SLC4A3: variants seen among roughly 807,000 people sequenced by gnomAD.
The protein encoded by SLC4A3 is solute carrier family 4 member 3.
A neutral mutation model predicts 114.2 loss-of-function variants in SLC4A3; 47 were observed. The observed-to-expected ratio is 0.41, with a 90% CI of 0.33 to 0.52. The LOEUF (loss-of-function observed/expected upper bound fraction) is 0.52. Among genes scored for constraint, SLC4A3 ranks in the 20% least tolerant of loss-of-function variants. The probability of loss-of-function intolerance (pLI) is 0.21; values close to 1 mark genes in which losing one functional copy is unlikely to be tolerated. For synonymous variants in SLC4A3, 693 were observed against 710.3 expected, an observed-to-expected ratio of 0.98 and a Z score of 0.39; for missense variants, 1,312 against 1,668.3, an observed-to-expected ratio of 0.79 and a Z score of 3.72.
Position 219,636,588 on chromosome 2 carries a change from C to G in SLC4A3, c.2341-92C>G. 5 of 1,487,582 alleles carry G rather than the reference C, an allele frequency of 3.4e-6. No individual in the cohort carries two copies. The highest frequency in any genetic ancestry group is 4.5e-6 in the Non-Finnish European group (5 of 1,099,284). The allele number at this position is 1,487,582 out of a possible 1,614,324, so 92.1% of individuals were successfully genotyped here. A position where few individuals can be genotyped will look rare whatever the true frequency, so the allele number is the denominator to read the frequency against. On this transcript the variant is annotated intron_variant, in intron 15 of 22. Transcript: ENST00000358055. This position sits in a 1 kb window ranked among gnomAD's most constrained non-coding sequence, Gnocchi z 5.5. ...GGGGATGGGTCCCTGCATTCTCCCT[C>G]TTCCTCGGAGTTCATCCGCTGCCTA...
rs1359694605 is a variant in SLC4A3 at position 219,638,143 on chromosome 2, C to T, written c.2767-21C>T. 6.3e-7 allele frequency: 1 copy of T among 1,593,926 alleles called. No individual in the cohort carries two copies. The highest frequency in any genetic ancestry group is 1.7e-5 in the Admixed American group (1 of 58,728). On this transcript the variant is annotated intron_variant, in intron 17 of 22. Coordinates refer to ENST00000358055, the MANE Select transcript of SLC4A3 (RefSeq NM_005070.4). This position sits in a 1 kb window ranked among gnomAD's most constrained non-coding sequence, Gnocchi z 7.5. ...CCTTGCCTCCACCTTTTGCTCCCTT[C>T]CCCAACTGGCCCCTCTCAAGGCTCG...
At position 219,641,343 on chromosome 2, in the gene SLC4A3, T is replaced by A. The variant is rs1356109207; in HGVS notation, c.3622-308T>A. 6.6e-6 allele frequency among the ~76,000 whole-genome samples: 1 copy of A among 152,154 alleles called. No homozygotes were observed. The highest frequency in any genetic ancestry group is 1.5e-5 in the Non-Finnish European group (1 of 68,024). On this transcript the variant is annotated intron_variant, in intron 22 of 22. Coordinates refer to ENST00000358055, the MANE Select transcript of SLC4A3 (RefSeq NM_005070.4). This position sits in a 1 kb window ranked among gnomAD's most constrained non-coding sequence, Gnocchi z 4.0. ...TTTTTGTCAACTAGAGGAAAAGACATCTTTTTGCAATTTATCCATACTCAA... is the reference window on the plus strand; with the variant it reads ...TTTTTGTCAACTAGAGGAAAAGACAACTTTTTGCAATTTATCCATACTCAA...
At chr2:219,627,834 G>A in intron 1 of SLC4A3, 66 bp from the exon 2 acceptor site, 1 of 582,074 alleles carries the variant, frequency 1.7e-6, no homozygotes, top group Non-Finnish European at 3.0e-6. Flanking sequence ...TGGGCCGGGA[G>A]CGTGCATCCG....
rs747034568 is a variant in SLC4A3 at position 219,635,363 on chromosome 2, G to A, written c.1839G>A (p.Pro613=). 3.5e-5 allele frequency: 56 copies of A among 1,614,024 alleles called. No homozygotes were observed. The highest frequency in any genetic ancestry group is 4.1e-5 in the Non-Finnish European group (48 of 1,180,022). ...EFLDGSIVIP[P]SEVEGRDLLR... ...TGGATGGCAGCATTGTGATCCCCCCGTCCGAGGTGGAGGGCCGTGACCTGC... is the reference window on the plus strand; with the variant it reads ...TGGATGGCAGCATTGTGATCCCCCCATCCGAGGTGGAGGGCCGTGACCTGC... The change falls in exon 13 of 23, where the codon CCG becomes CCA. Residue 613 remains proline (P), a synonymous_variant. Transcript: ENST00000358055.
chr2:219,635,986 T>C lies in SLC4A3; in HGVS notation c.2191+95T>C. 6.0e-6 allele frequency: 6 copies of C among 1,000,336 alleles called. No individual in the cohort carries two copies. The South Asian group carries it at 8.6e-5, about 14-fold the overall frequency. 62.0% of individuals were successfully genotyped at this position (1,000,336 alleles called of 1,614,324 possible). On this transcript the variant is annotated intron_variant, in intron 14 of 22. Coordinates refer to ENST00000358055, the MANE Select transcript of SLC4A3 (RefSeq NM_005070.4). Reference sequence around the variant, plus strand: ...ATTCTGGGTCTGGGTGTGATCACATTAGGGGGCCAATGGTTAGATGTGCTA... The same window carrying C: ...ATTCTGGGTCTGGGTGTGATCACATCAGGGGGCCAATGGTTAGATGTGCTA...
At position 219,639,763 on chromosome 2, in the gene SLC4A3, C is replaced by T. The variant is rs1479777694; in HGVS notation, c.3277+28C>T. On this transcript the variant is annotated intron_variant, in intron 20 of 22. Coordinates refer to ENST00000358055, the MANE Select transcript of SLC4A3 (RefSeq NM_005070.4). This position sits in a 1 kb window ranked among gnomAD's most constrained non-coding sequence, Gnocchi z 5.9. ...GAGAGCCCGCCTCCACCCTGCACAC[C>T]CCCTTCCTTGGGCCCCACGGTCTTA... 2 of 1,595,192 alleles carry T rather than the reference C, an allele frequency of 1.3e-6. No individual in the cohort carries two copies. The highest frequency in any genetic ancestry group is 1.7e-5 in the Admixed American group (1 of 59,898).
At position 219,635,879 on chromosome 2, in the gene SLC4A3, G is replaced by A. The variant is rs900737242; in HGVS notation, c.2179G>A (p.Gly727Arg). 2.0e-6 allele frequency: 3 copies of A among 1,520,230 alleles called. No individual in the cohort carries two copies. The highest frequency in any genetic ancestry group is 1.8e-6 in the Non-Finnish European group (2 of 1,137,402). The allele number at this position is 1,520,230 out of a possible 1,614,324, so 94.2% of individuals were successfully genotyped here. ...FAALSPAITF[G>R]GLLGEKTEGL... ...AGCCCTCAGCCCTGCCATCACCTTC[G>A]GGGGGCTGCTGGGTAAGGGACTGGG... Residue 727 changes from glycine to arginine, a missense_variant, in exon 14 of 23, where the codon GGG becomes AGG. This residue lies in a region of SLC4A3 where 771 missense variants were observed against 977.7 expected (regional missense o/e 0.79). Transcript: ENST00000358055.
Position 219,633,903 on chromosome 2 carries a change from A to T in SLC4A3, c.1485A>T (p.Gly495=). ...AGAAGCCCCTCCACATGCCTGGGGG[A>T]GATGGTCACCGGGGGAAAAGCCTGA... The part of the protein sequence containing the change: ...AKEKPLHMPG[G]DGHRGKSLKL... The change falls in exon 11 of 23, where the codon GGA becomes GGT. Residue 495 remains glycine, a synonymous_variant. Coordinates refer to ENST00000358055, the MANE Select transcript of SLC4A3 (RefSeq NM_005070.4). The T allele has an allele frequency of 6.4e-7, 1 of 1,559,922 alleles. No individual in the cohort carries two copies. Among genetic ancestry groups the T allele is most frequent in the South Asian group, 1.2e-5 (1 of 84,640 alleles).
In SLC4A3 at chr2:219,638,481, T is replaced by A. The variant is rs1699207577; in HGVS notation, c.2857-222T>A. ...ATGACAGTATCCCACACAGGTCCCCTGAAGCTCTGGGGCTCAGGGAGGAGG... is the reference window on the plus strand; with the variant it reads ...ATGACAGTATCCCACACAGGTCCCCAGAAGCTCTGGGGCTCAGGGAGGAGG... On this transcript the variant is annotated intron_variant, in intron 18 of 22. Transcript: ENST00000358055. The surrounding 1 kb of genome is among the most constrained non-coding windows in gnomAD (Gnocchi z 7.5). 6.6e-6 allele frequency among the ~76,000 whole-genome samples: 1 copy of A among 152,184 alleles called. No homozygotes were observed. Among genetic ancestry groups the A allele is most frequent in the Non-Finnish European group, 1.5e-5 (1 of 68,008 alleles).
rs151016180 is a variant in SLC4A3 at position 219,632,199 on chromosome 2, C to T, written c.961-63C>T. On this transcript the variant is annotated intron_variant, in intron 7 of 22. Coordinates refer to ENST00000358055, the MANE Select transcript of SLC4A3 (RefSeq NM_005070.4). Reference sequence around the variant, plus strand: ...CTCCTCTCTTTGCCCCCCTGCCTTGCCCCATCACGGTGTTCCCCACACCTG... The same window carrying T: ...CTCCTCTCTTTGCCCCCCTGCCTTGTCCCATCACGGTGTTCCCCACACCTG... The T allele has an allele frequency of 6.9e-4, 1,109 of 1,609,910 alleles. 9 individuals carry two copies. In the African/African-American group the frequency reaches 0.013, roughly 18 times the overall value.
At chr2:219,629,823 G>T (rs1276506379) in intron 5 of SLC4A3, 128 bp downstream of exon 5, 9 of 467,452 alleles carry the variant, frequency 1.9e-5, no homozygotes, top group Admixed American at 7.7e-5. Context: ...GAGGAGCAGG[G>T]TGTGGGAGGG....
rs1699155277 is a variant in SLC4A3, at chr2:219,637,305, G to A, written c.2536-276G>A. ...CCTGTGTGTGCATGTTGTGTGTGTTGTGTGTATGTATGTTGTGTGTGTGGT... is the reference window on the plus strand; with the variant it reads ...CCTGTGTGTGCATGTTGTGTGTGTTATGTGTATGTATGTTGTGTGTGTGGT... On this transcript the variant is annotated intron_variant, in intron 16 of 22. Coordinates refer to ENST00000358055, the MANE Select transcript of SLC4A3 (RefSeq NM_005070.4). This position sits in a 1 kb window ranked among gnomAD's most constrained non-coding sequence, Gnocchi z 4.6. 6.6e-6 allele frequency among the ~76,000 whole-genome samples: 1 copy of A among 151,258 alleles called. No individual in the cohort carries two copies. Among genetic ancestry groups the A allele is most frequent in the African/African-American group, 2.4e-5 (1 of 41,122 alleles).
In SLC4A3 at chr2:219,637,728, C is replaced by T. The variant is rs745997333; in HGVS notation, c.2683C>T (p.Leu895Phe). The T allele has an allele frequency of 3.1e-6, 5 of 1,613,914 alleles. No individual in the cohort carries two copies. The East Asian group carries it at 1.1e-4, about 36-fold the overall frequency. Reference protein sequence around the residue: ...SPRNQPNTALLSLILMLGTFF... With the variant: ...SPRNQPNTALFSLILMLGTFF... ...GAGGAACCAGCCCAATACGGCACTG[C>T]TCTCACTCATCCTCATGCTCGGGAC... Residue 895 changes from leucine to phenylalanine, a missense_variant, in exon 17 of 23, where the codon CTC becomes TTC. Physicochemically the swap from Leu to Phe is conservative, Grantham distance 22. Transcript: ENST00000358055. This position sits in a 1 kb window ranked among gnomAD's most constrained non-coding sequence, Gnocchi z 4.6.
Position 219,635,440 on chromosome 2 carries a change from G to A in SLC4A3, c.1916G>A (p.Arg639His), listed in dbSNP as rs145074464. 40 of 1,613,942 alleles carry A rather than the reference G, an allele frequency of 2.5e-5. No individual in the cohort carries two copies. Among genetic ancestry groups the A allele is most frequent in the Non-Finnish European group, 3.0e-5 (35 of 1,179,984 alleles). Residue 639 changes from arginine (R) to histidine (H), a missense_variant, in exon 13 of 23, where the codon CGT (arginine) becomes CAT (histidine). Coordinates refer to ENST00000358055, the MANE Select transcript of SLC4A3 (RefSeq NM_005070.4). The part of the protein sequence containing the change: ...QRELLRKRRE[R>H]EQTKVEMTTR... ...GAGCTGCTTAGGAAGCGGCGAGAGC[G>A]TGAACAGACCAAAGTCGAGATGACC... is the stretch of plus-strand genomic sequence containing the variant.
Position 219,633,392 on chromosome 2 carries a change from C to G in SLC4A3, c.1396C>G (p.Pro466Ala), listed in dbSNP as rs772322788. ...CAGCCATGGCCCTGATGGGGCGGTG[C>G]CTACCATGGCTGATGACCTGGGGGA... ...TPSHGPDGAVPTMADDLGEPA... is the reference protein window; with the variant it reads ...TPSHGPDGAVATMADDLGEPA... The change falls in exon 10 of 23, where the codon CCT becomes GCT. Residue 466 changes from proline (P) to alanine (A), a missense_variant. Pro to Ala is a conservative substitution (Grantham distance 27). Around this residue, in one of 4 missense-constraint regions of SLC4A3, gnomAD observed 771 missense variants for 977.7 expected, o/e 0.79. Transcript: ENST00000358055. 6.3e-7 allele frequency: 1 copy of G among 1,591,026 alleles called. No homozygotes were observed. Among genetic ancestry groups the G allele is most frequent in the Non-Finnish European group, 8.6e-7 (1 of 1,167,194 alleles).
In SLC4A3 at chr2:219,639,387, C is replaced by A. The variant is rs117365768; in HGVS notation, c.3024-95C>A. The A allele has an allele frequency of 2.3e-4, 326 of 1,422,224 alleles. 3 individuals carry two copies. In the East Asian group the frequency reaches 7.2e-3, roughly 32 times the overall value. The allele number at this position is 1,422,224 out of a possible 1,614,324, so 88.1% of individuals were successfully genotyped here. On this transcript the variant is annotated intron_variant, in intron 19 of 22. Coordinates refer to ENST00000358055, the MANE Select transcript of SLC4A3 (RefSeq NM_005070.4). The surrounding 1 kb of genome is among the most constrained non-coding windows in gnomAD (Gnocchi z 5.9). Reference sequence around the variant, plus strand: ...CTAGGGAGAACTGTTGTCTGCACGTCCTCCCCCCACCATCTCGTCTCTGTG... The same window carrying A: ...CTAGGGAGAACTGTTGTCTGCACGTACTCCCCCCACCATCTCGTCTCTGTG...
At position 219,628,213 on chromosome 2, in the gene SLC4A3, C is replaced by T. The variant is rs903834965; in HGVS notation, c.51+170C>T. ...TTTTTGATATTTTCCAGATCCGTAG[C>T]CCTCTCTCTTTACAAGCTCTGGGAG... On this transcript the variant is annotated intron_variant, in intron 2 of 22. Coordinates refer to ENST00000358055, the MANE Select transcript of SLC4A3 (RefSeq NM_005070.4). This position sits in a 1 kb window ranked among gnomAD's most constrained non-coding sequence, Gnocchi z 4.8. 6.6e-6 allele frequency among the ~76,000 whole-genome samples: 1 copy of T among 152,084 alleles called. No individual in the cohort carries two copies. The highest frequency in any genetic ancestry group is 1.5e-5 in the Non-Finnish European group (1 of 67,990).
rs985155890 is a variant in SLC4A3, at chr2:219,628,320, C to G, written c.52-85C>G. ...CCCGATGGTGTGAGAGCCTGCTGAG[C>G]TCCCCCAACTAGGGCTTGGAGTTGG... On this transcript the variant is annotated intron_variant, in intron 2 of 22. Transcript: ENST00000358055. The surrounding 1 kb of genome is among the most constrained non-coding windows in gnomAD (Gnocchi z 4.8). 3 of 1,388,642 alleles carry G rather than the reference C, an allele frequency of 2.2e-6. No individual in the cohort carries two copies. In the African/African-American group the frequency reaches 4.3e-5, roughly 20 times the overall value. The allele number at this position is 1,388,642 out of a possible 1,614,324, so 86.0% of individuals were successfully genotyped here. A position where few individuals can be genotyped will look rare whatever the true frequency, so the allele number is the denominator to read the frequency against.
intron 11 of SLC4A3, 107 bp downstream of exon 11, chr2:219,634,086 C>A: frequency 7.6e-7 from 1 of 1,312,534 alleles, no homozygotes. Context: ...CCATCTCCCT[C>A]CAGGCTCCCA....
Sources: gnomAD v4.1 joint callset for allele counts (sites outside exome capture counted in the v4.1 genomes callset) on GRCh38, gnomAD v4.1.1 for gene constraint, gnomAD v4.1.1 regional missense constraint, Gnocchi (gnomAD v3.1) non-coding constraint, MANE v1.5 for transcripts, NCBI Gene and HGNC (gene_info 2026-07-23, HGNC 2026-07-21) for gene names.